The following PCDHGA2 variants were observed in gnomAD, a reference collection of about 807,000 sequenced individuals.
PCDHGA2 encodes protocadherin gamma-A2.
PCDHGA2 carries 40 observed loss-of-function variants against 59.2 expected under a neutral mutation model. That is an observed-to-expected ratio of 0.68 (90% CI 0.52 to 0.88). PCDHGA2 has a LOEUF of 0.88. PCDHGA2 is among the 40% of genes least tolerant of loss of function. PCDHGA2 has a pLI of 0.00. For missense variants in PCDHGA2, 1,226 were observed against 1,204.0 expected (o/e 1.02, Z -0.27); for synonymous variants, 560 against 526.0 (o/e 1.06, Z -0.89).
At chr5:141,455,860 A>ATTAT (rs145569377) in intron 1 of PCDHGA2, among the ~76,000 whole-genome samples, 7,190 of 139,786 alleles carry the variant, frequency 0.051, 228 homozygotes, top group South Asian at 0.064. Context: ...AATTTCTTTT[A>ATTAT]TTATTTATTT....
chr5:141,361,440 C>T, intron 1 of PCDHGA2: 1 of 1,614,042 alleles, frequency 6.2e-7, no homozygotes, highest in South Asian at 1.1e-5. Context: ...TCTCCTCCAG[C>T]ATAATTGTCA....
chr5:141,361,814 C>T, intron 1 of PCDHGA2: 1 of 1,613,112 alleles, frequency 6.2e-7, no homozygotes, highest in Non-Finnish European at 8.5e-7. Flanking sequence ...GACAATGCGC[C>T]ACGGGTGCTG....
chr5:141,388,662 A>G, intron 1 of PCDHGA2: 1 of 1,613,954 alleles, frequency 6.2e-7, no homozygotes, highest in African/African-American at 1.3e-5. Flanking sequence ...CCCGGGGACC[A>G]CGGTGCTACA....
At chr5:141,427,228 T>C (rs2097002884) in intron 1 of PCDHGA2, 1 of 456,550 alleles carries the variant, frequency 2.2e-6, no homozygotes, top group South Asian at 1.5e-5. Context: ...AGTTATACCA[T>C]GAGAGTAGAA....
rs769679454 is a variant in PCDHGA2 at position 141,374,960 on chromosome 5, T to C, written c.2424+33565T>C. 15 of 1,614,060 alleles carry C rather than the reference T, an allele frequency of 9.3e-6. No homozygotes were observed. In the East Asian group the frequency reaches 1.6e-4, roughly 17 times the overall value. On this transcript the variant is annotated intron_variant, in intron 1 of 3. Coordinates refer to ENST00000394576, the MANE Select transcript of PCDHGA2 (RefSeq NM_018915.4). ...TACAGAAAAGATCTCACAAATTTTC[T>C]GTTTGAATGTTTTGACTGGAGAAAT...
rs189987196 is a variant in PCDHGA2, at chr5:141,420,754, C to T, written c.2425-74053C>T. Among the ~76,000 whole-genome samples, 291 of 152,292 alleles carry T rather than the reference C, an allele frequency of 1.9e-3. 2 individuals carry two copies. The highest frequency in any genetic ancestry group is 3.6e-3 in the Non-Finnish European group (248 of 68,020). On this transcript the variant is annotated intron_variant, in intron 1 of 3. Coordinates refer to ENST00000394576, the MANE Select transcript of PCDHGA2 (RefSeq NM_018915.4). ...TAAAATCAATTGGAACCAACTACAA[C>T]CTACAAGTTTTCAGCTCCAGTAATA... is the stretch of plus-strand genomic sequence containing the variant.
chr5:141,376,530 G>C (rs200613052), intron 1 of PCDHGA2: 3 of 1,613,550 alleles, frequency 1.9e-6, no homozygotes, highest in African/African-American at 1.3e-5. Context: ...CCGCCTAAGC[G>C]GGAAGAGTAA....
At chr5:141,355,857 C>G (rs567640077) in intron 1 of PCDHGA2, 4 of 1,612,456 alleles carry the variant, frequency 2.5e-6, no homozygotes, top group South Asian at 2.2e-5. Flanking sequence ...ATGGAGGTGA[C>G]CCGGTTCGCT....
intron 1 of PCDHGA2, chr5:141,419,727 C>G (rs1344063538): frequency 6.2e-7 from 1 of 1,613,582 alleles, no homozygotes; most frequent in Admixed American, 1.7e-5. Flanking sequence ...GGGCTGCGAA[C>G]AGGCGAGGTG....
At position 141,345,797 on chromosome 5, in the gene PCDHGA2, G is replaced by A. The variant is rs756844762; in HGVS notation, c.2424+4402G>A. ...GCTCCGCAGAGCCCGGCTACCTGGT[G>A]ACCAAGGTGGTGGCGGTGGACAGAG... is the stretch of plus-strand genomic sequence containing the variant. On this transcript the variant is annotated intron_variant, in intron 1 of 3. Transcript: ENST00000394576. The A allele has an allele frequency of 1.6e-5, 26 of 1,613,910 alleles. No homozygotes were observed. The African/African-American group carries it at 2.0e-4, about 12-fold the overall frequency.
rs369044087 is a variant in PCDHGA2 at position 141,389,106 on chromosome 5, C to G, written c.2424+47711C>G. On this transcript the variant is annotated intron_variant, in intron 1 of 3. Coordinates refer to ENST00000394576, the MANE Select transcript of PCDHGA2 (RefSeq NM_018915.4). ...GTATAAATTAGTGACAGATGCTGTTCTAGACCGCGAGCAGAATCCAGAGTA... is the reference window on the plus strand; with the variant it reads ...GTATAAATTAGTGACAGATGCTGTTGTAGACCGCGAGCAGAATCCAGAGTA... 73 of 1,613,908 alleles carry G rather than the reference C, an allele frequency of 4.5e-5. No individual in the cohort carries two copies. The highest frequency in any genetic ancestry group is 1.7e-5 in the Admixed American group (1 of 60,018).
intron 1 of PCDHGA2, chr5:141,426,581 C>A: frequency 2.8e-6 from 1 of 358,468 alleles, no homozygotes. Context: ...TCTTCAAAAT[C>A]CTCTGTGTCA....
Position 141,339,165 on chromosome 5 carries a change from G to C in PCDHGA2, c.194G>C (p.Arg65Pro), listed in dbSNP as rs868424998. ...EPLALAEQGV[R>P]IVSRGRSQLF... ...CTGGCACTGGCAGAGCAGGGAGTCCGCATCGTCTCCAGAGGTAGGTCCCAG... is the reference window on the plus strand; with the variant it reads ...CTGGCACTGGCAGAGCAGGGAGTCCCCATCGTCTCCAGAGGTAGGTCCCAG... The change falls in exon 1 of 4, where the codon CGC (arginine) becomes CCC (proline). Residue 65 changes from arginine to proline, a missense_variant. Transcript: ENST00000394576. 1.9e-6 allele frequency: 3 copies of C among 1,614,098 alleles called. No homozygotes were observed. The highest frequency in any genetic ancestry group is 2.5e-6 in the Non-Finnish European group (3 of 1,179,938).
intron 1 of PCDHGA2, chr5:141,343,393 G>A (rs1757282862): frequency 3.1e-6 from 3 of 980,536 alleles, no homozygotes; most frequent in East Asian, 1.1e-4. Context: ...AGAGGAGGTG[G>A]ATATCTTATC....
Position 141,339,327 on chromosome 5 carries a change from T to C in PCDHGA2, c.356T>C (p.Val119Ala). The C allele has an allele frequency of 6.2e-7, 1 of 1,614,236 alleles. No homozygotes were observed. Among genetic ancestry groups the C allele is most frequent in the Middle Eastern group, 1.6e-4 (1 of 6,062 alleles). Residue 119 changes from valine to alanine, a missense_variant, in exon 1 of 4, where the codon GTA becomes GCA. Val to Ala is a moderately conservative substitution (Grantham distance 64). Transcript: ENST00000394576. Reference sequence around the variant, plus strand: ...GAGGATAAATTGACTATTTATTCAGTAGAGGTGGAAATAACAGATATTAAC... The same window carrying C: ...GAGGATAAATTGACTATTTATTCAGCAGAGGTGGAAATAACAGATATTAAC... ...LLEDKLTIYSVEVEITDINDN... is the reference protein window; with the variant it reads ...LLEDKLTIYSAEVEITDINDN...
intron 1 of PCDHGA2, chr5:141,430,735 A>T (rs1255723102): frequency 6.7e-7 from 1 of 1,497,964 alleles, no homozygotes; most frequent in Non-Finnish European, 8.9e-7. Context: ...GGCAGAATTG[A>T]AAATAATTCT....
At chr5:141,445,249 G>A (rs1337658576) in intron 1 of PCDHGA2, among the ~76,000 whole-genome samples, 2 of 152,170 alleles carry the variant, frequency 1.3e-5, no homozygotes, top group South Asian at 4.1e-4. Flanking sequence ...ACTATATTGT[G>A]TGAGAATATA....
chr5:141,356,626 G>A (rs1298780239), intron 1 of PCDHGA2: 1 of 1,614,166 alleles, frequency 6.2e-7, no homozygotes. Flanking sequence ...ATCTATGACT[G>A]CTCAAGACCC....
Position 141,491,034 on chromosome 5 carries a change from T to G in PCDHGA2, c.2425-3773T>G, listed in dbSNP as rs375902824. 1 of 1,614,170 alleles carries G rather than the reference T, an allele frequency of 6.2e-7. No homozygotes were observed. The highest frequency in any genetic ancestry group is 8.5e-7 in the Non-Finnish European group (1 of 1,180,024). On this transcript the variant is annotated intron_variant, in intron 1 of 3. Coordinates refer to ENST00000394576, the MANE Select transcript of PCDHGA2 (RefSeq NM_018915.4). The surrounding 1 kb of genome is among the most constrained non-coding windows in gnomAD (Gnocchi z 6.9). ...CCAAGGTGACAGCCGTGGATGCTGATGCAGGCCACAATGCGTGGCTCTCCT... is the reference window on the plus strand; with the variant it reads ...CCAAGGTGACAGCCGTGGATGCTGAGGCAGGCCACAATGCGTGGCTCTCCT...
Sources: gnomAD v4.1 joint callset for allele counts (sites outside exome capture counted in the v4.1 genomes callset) on GRCh38, gnomAD v4.1.1 for gene constraint, Gnocchi (gnomAD v3.1) non-coding constraint, MANE v1.5 for transcripts, NCBI Gene and HGNC (gene_info 2026-07-23, HGNC 2026-07-21) for gene names.